ZDHHC21: variants seen among roughly 807,000 people sequenced by gnomAD.
ZDHHC21 encodes palmitoyltransferase ZDHHC21.
A neutral mutation model predicts 34.6 loss-of-function variants in ZDHHC21; 15 were observed. The observed-to-expected ratio is 0.43, with a 90% confidence interval of 0.29 to 0.67. The LOEUF (loss-of-function observed/expected upper bound fraction) is 0.67, where lower values mean the gene tolerates loss of function less well. ZDHHC21 is among the 30% of genes least tolerant of loss of function. The pLI, the probability that ZDHHC21 is intolerant of heterozygous loss-of-function variation, is 0.14. For missense variants in ZDHHC21, 344 were observed against 327.7 expected, an observed-to-expected ratio of 1.05 and a Z score of -0.38; for synonymous variants, 142 against 101.8, an observed-to-expected ratio of 1.40 and a Z score of -2.38.
chr9:14,681,730 G>GGTGTGT (rs34935934), intron 2 of ZDHHC21, among the ~76,000 whole-genome samples: 47,627 of 148,308 alleles, frequency 0.32, 7,637 homozygotes, highest in Middle Eastern at 0.34. Flanking sequence ...TAAGGGGAAT[G>GGTGTGT]GTGTGTGTGT....
chr9:14,621,006 T>C (rs1221966349), intron 8 of ZDHHC21, among the ~76,000 whole-genome samples: 1 of 152,036 alleles, frequency 6.6e-6, no homozygotes, highest in Non-Finnish European at 1.5e-5. Flanking sequence ...TCTACAAACA[T>C]ATGAGAACAC....
chr9:14,638,069 A>T (rs1325926827), intron 8 of ZDHHC21, among the ~76,000 whole-genome samples: 1 of 152,124 alleles, frequency 6.6e-6, no homozygotes. Flanking sequence ...TAGTCAAAAA[A>T]ATCCTAAGCA....
intron 5 of ZDHHC21, among the ~76,000 whole-genome samples, chr9:14,664,626 C>A (rs1346231141): frequency 6.6e-6 from 1 of 150,580 alleles, no homozygotes; most frequent in Non-Finnish European, 1.5e-5. Flanking sequence ...TTGAAGAGAG[C>A]AGTGGTTCTC....
Position 14,613,211 on chromosome 9 carries a change from G to A in ZDHHC21, c.*5755C>T, listed in dbSNP as rs1299147225. 3.3e-5 allele frequency: 5 copies of A among 151,816 alleles called. No individual in the cohort carries two copies. Among genetic ancestry groups the A allele is most frequent in the African/African-American group, 1.2e-4 (5 of 41,390 alleles). The allele number at this position is 151,816 out of a possible 1,614,324, so 9.4% of individuals were successfully genotyped here. A position where few individuals can be genotyped will look rare whatever the true frequency, so the allele number is the denominator to read the frequency against. On this transcript the variant is annotated 3_prime_UTR_variant, in exon 10 of 10. Transcript: ENST00000380916. ...GAGCAGCATGCAAAAAATAAGATCT[G>A]TTAATCAAACTGTTCTTAGTAACAT...
chr9:14,633,677 C>T (rs537227465), intron 8 of ZDHHC21, among the ~76,000 whole-genome samples: 1 of 152,130 alleles, frequency 6.6e-6, no homozygotes, highest in Non-Finnish European at 1.5e-5. Context: ...AAGGCTGAAG[C>T]ACAAACTACT....
intron 7 of ZDHHC21, among the ~76,000 whole-genome samples, chr9:14,646,358 A>G (rs946707978): frequency 3.3e-5 from 5 of 152,218 alleles, no homozygotes; most frequent in African/African-American, 9.6e-5. Context: ...TAAAAGGTAC[A>G]AAAAGTTGTA....
At chr9:14,677,595 G>C (rs1194773939) in intron 3 of ZDHHC21, 1 of 152,012 alleles carries the variant, frequency 6.6e-6, no homozygotes. Flanking sequence ...ATATTAAATG[G>C]TGAGCTCTTA....
downstream of ZDHHC21, among the ~76,000 whole-genome samples, chr9:14,606,524 G>A (rs1588622867): frequency 6.6e-6 from 1 of 152,098 alleles, no homozygotes; most frequent in African/African-American, 2.4e-5. Flanking sequence ...AATCTTCCAG[G>A]ATCTTTCGGT....
chr9:14,655,334 G>GA (rs1832004410), intron 7 of ZDHHC21, among the ~76,000 whole-genome samples: 1 of 151,900 alleles, frequency 6.6e-6, no homozygotes, highest in Non-Finnish European at 1.5e-5. Context: ...TGTTCCAAGA[G>GA]ACTTGCACTA....
chr9:14,683,797 C>G (rs1212487427), intron 2 of ZDHHC21: 1 of 152,192 alleles, frequency 6.6e-6, no homozygotes, highest in East Asian at 1.9e-4. Flanking sequence ...ATGCAAACAT[C>G]CTCAGTAAAA....
chr9:14,600,964 C>G, the ZDHHC21 span, among the ~76,000 whole-genome samples: 2 of 152,278 alleles, frequency 1.3e-5, no homozygotes, highest in Middle Eastern at 6.8e-3. Flanking sequence ...AAAACTGAAA[C>G]TGACCCCTTC....
At chr9:14,680,726 C>A (rs10114225) in intron 2 of ZDHHC21, among the ~76,000 whole-genome samples, 142,239 of 152,212 alleles carry the variant, frequency 0.93, 66,522 homozygotes, top group Non-Finnish European at 0.96. Context: ...TACACTATAC[C>A]TACTATGCTT....
chr9:14,590,539 T>C, the ZDHHC21 span, among the ~76,000 whole-genome samples: 1 of 151,576 alleles, frequency 6.6e-6, no homozygotes, highest in East Asian at 1.9e-4. Context: ...AAGAAAAAAA[T>C]TTCACAGACT....
chr9:14,660,101 CAAGCCTGT>C (rs1488468035), intron 6 of ZDHHC21, among the ~76,000 whole-genome samples: 4 of 151,988 alleles, frequency 2.6e-5, no homozygotes, highest in Non-Finnish European at 5.9e-5. Context: ...CGCGGTGACT[CAAGCCTGT>C]AATCCCAGAA....
intron 3 of ZDHHC21, among the ~76,000 whole-genome samples, chr9:14,679,822 C>T (rs528799632): frequency 6.6e-6 from 1 of 151,954 alleles, no homozygotes; most frequent in East Asian, 1.9e-4. Context: ...GTTTCTGAAA[C>T]TCATATTATT....
At chr9:14,667,689 G>A (rs1179373266) in intron 5 of ZDHHC21, among the ~76,000 whole-genome samples, 5 of 87,806 alleles carry the variant, frequency 5.7e-5, no homozygotes. Flanking sequence ...TGCAAGGCTG[G>A]TTCAATATAT....
chr9:14,684,264 C>A (rs1837911699), intron 2 of ZDHHC21, among the ~76,000 whole-genome samples: 3 of 151,590 alleles, frequency 2.0e-5, no homozygotes, highest in Non-Finnish European at 4.4e-5. Context: ...GTCAAATTGT[C>A]CCTGTTTGCA....
At chr9:14,665,207 G>A (rs1489077862) in intron 5 of ZDHHC21, among the ~76,000 whole-genome samples, 1 of 138,078 alleles carries the variant, frequency 7.2e-6, no homozygotes, top group African/African-American at 2.8e-5. Flanking sequence ...GAATGCAGAA[G>A]CCTCAGGAGC....
downstream of ZDHHC21, among the ~76,000 whole-genome samples, chr9:14,608,735 C>A (rs911419674): frequency 6.6e-6 from 1 of 151,676 alleles, no homozygotes; most frequent in Non-Finnish European, 1.5e-5. Flanking sequence ...TCTACAGGGT[C>A]CAATTTTCCT....
Sources: allele counts gnomAD v4.1 joint callset (sites outside exome capture counted in the v4.1 genomes callset), GRCh38; gene constraint gnomAD v4.1.1; transcripts MANE v1.5; gene names NCBI Gene and HGNC (gene_info 2026-07-23, HGNC 2026-07-21).